The following SLC9A6 variants were observed in gnomAD, a reference collection of about 807,000 sequenced individuals.
SLC9A6 encodes sodium/hydrogen exchanger 6.
Under a neutral mutation model 45.3 loss-of-function variants are expected in SLC9A6, and 6 were observed. The ratio of observed to expected loss-of-function variants is 0.13; its 90% CI spans 0.07 to 0.26. SLC9A6 has a LOEUF of 0.26. SLC9A6 is among the 10% of genes least tolerant of loss of function. The pLI is 1.00. For synonymous variants in SLC9A6, 191 were observed against 187.7 expected (o/e 1.02, Z -0.14); for missense variants, 278 against 503.7 (o/e 0.55, Z 4.29).
intron 2 of SLC9A6, among the ~76,000 whole-genome samples, chrX:135,994,118 T>C (rs2148142876): frequency 9.1e-6 from 1 of 109,975 alleles, no homozygotes; most frequent in Non-Finnish European, 1.9e-5. Flanking sequence ...TTTTTTTTTT[T>C]TTTTGAGACA....
intron 15 of SLC9A6, 111 bp downstream of exon 15, chrX:136,030,273 C>T: frequency 2.5e-6 from 2 of 800,446 alleles, no homozygotes; most frequent in Non-Finnish European, 3.8e-6. Flanking sequence ...GTCCTCTTTG[C>T]CTCAGCTTTG....
rs1158919961 is a variant in SLC9A6, at chrX:136,016,718, A to G, written c.1154A>G (p.Gln385Arg). Residue 385 changes from glutamine to arginine, a missense_variant, in exon 11 of 18, where the codon CAG becomes CGG. By Grantham distance (43) the Gln-to-Arg change is conservative. Around this residue, in one of 5 missense-constraint regions of SLC9A6, gnomAD observed 41 missense variants for 51.8 expected, o/e 0.79. Coordinates refer to ENST00000630721, the MANE Select transcript of SLC9A6 (RefSeq NM_001379110.1). Reference sequence around the variant, plus strand: ...ATGGGGCTGACACTGTTCACCTTCCAGAACCATGTCTTTAACCCAACATTT... The same window carrying G: ...ATGGGGCTGACACTGTTCACCTTCCGGAACCATGTCTTTAACCCAACATTT... ...SYMGLTLFTFQNHVFNPTFVV... is the reference protein window; with the variant it reads ...SYMGLTLFTFRNHVFNPTFVV... 1.9e-5 allele frequency: 22 copies of G among 1,185,249 alleles called. No homozygotes were observed. Among genetic ancestry groups the G allele is most frequent in the Non-Finnish European group, 2.5e-5 (22 of 873,441 alleles).
chrX:136,047,035 T>C lies in SLC9A6; in HGVS notation c.*2311T>C, dbSNP rs1233788191. The C allele has an allele frequency of 3.5e-5, 4 of 112,945 alleles. No individual in the cohort carries two copies. Among genetic ancestry groups the C allele is most frequent in the African/African-American group, 1.3e-4 (4 of 31,007 alleles). The allele number at this position is 112,945 out of a possible 1,213,427, so 9.3% of individuals were successfully genotyped here. On this transcript the variant is annotated 3_prime_UTR_variant, in exon 18 of 18. Coordinates refer to ENST00000630721, the MANE Select transcript of SLC9A6 (RefSeq NM_001379110.1). The stretch of plus-strand genomic sequence containing the variant: ...AAGTAATAGACTTTTAATCTTTATG[T>C]ATTTTTTGTTTTCTCTGGAGTACTT...
Position 135,998,905 on chromosome X carries a change from G to T in SLC9A6, c.574G>T (p.Ala192Ser), listed in dbSNP as rs2089542923. The T allele has an allele frequency of 1.7e-6, 2 of 1,209,857 alleles. No homozygotes were observed. Among genetic ancestry groups the T allele is most frequent in the Non-Finnish European group, 1.1e-6 (1 of 893,775 alleles). The change falls in exon 6 of 18, where the codon GCA (alanine) becomes TCA (serine). Residue 192 changes from alanine to serine, a missense_variant. Coordinates refer to ENST00000630721, the MANE Select transcript of SLC9A6 (RefSeq NM_001379110.1). ...VTLMKVTGQL[A>S]GDFYFTDCLL... ...GCTGATGAAGGTAACGGGACAACTT[G>T]CAGGAGATTTTTACTTTACAGATTG...
rs782631299 is a variant in SLC9A6, at chrX:136,002,220, G to A, written c.743+7G>A. ...TTGCCATAGTGCTGTCCTCGTAAGT[G>A]TTTGTTTTCTTATTATATTCTGAAT... On this transcript the variant is annotated splice_region_variant and intron_variant, in intron 7 of 17. Coordinates refer to ENST00000630721, the MANE Select transcript of SLC9A6 (RefSeq NM_001379110.1). 1 of 1,123,584 alleles carries A rather than the reference G, an allele frequency of 8.9e-7. No homozygotes were observed. The allele number at this position is 1,123,584 out of a possible 1,213,427, so 92.6% of individuals were successfully genotyped here.
At chrX:135,977,545 C>T (rs988306843) in intron 1 of SLC9A6, among the ~76,000 whole-genome samples, 2 of 112,021 alleles carry the variant, frequency 1.8e-5, no homozygotes, top group African/African-American at 6.5e-5. Context: ...GGAATATGCT[C>T]CTGACTATTA....
chrX:135,990,708 A>C (rs2089416465), intron 2 of SLC9A6, among the ~76,000 whole-genome samples: 1 of 110,704 alleles, frequency 9.0e-6, no homozygotes, highest in Non-Finnish European at 1.9e-5. Context: ...CGGGAGGCGG[A>C]GGTTGCAGTG....
intron 2 of SLC9A6, among the ~76,000 whole-genome samples, chrX:135,990,301 G>T (rs1213171464): frequency 2.7e-5 from 3 of 111,873 alleles, no homozygotes. Flanking sequence ...TGTGTTCTTT[G>T]TTGCCTGTTA....
intron 17 of SLC9A6, 138 bp from the exon 18 acceptor site, chrX:136,044,314 G>A (rs1195929734): frequency 2.0e-6 from 1 of 510,472 alleles, no homozygotes; most frequent in African/African-American, 2.4e-5. Context: ...TTAAGCCAAG[G>A]TATGGACTTT....
chrX:135,975,211 A>T (rs1308781155), intron 1 of SLC9A6: 1 of 112,871 alleles, frequency 8.9e-6, no homozygotes, highest in African/African-American at 3.2e-5. Flanking sequence ...CTAAAATGGA[A>T]TTCATCCTTT....
At chrX:135,997,398 CTTTTTTTTTT>C (rs1180028983) in intron 3 of SLC9A6, among the ~76,000 whole-genome samples, 2 of 63,304 alleles carry the variant, frequency 3.2e-5, no homozygotes, top group African/African-American at 1.3e-4. Flanking sequence ...CATGCTTTCT[CTTTTTTTTTT>C]TTTTTTTTTT....
At chrX:136,004,440 C>G (rs1250824642) in intron 7 of SLC9A6, among the ~76,000 whole-genome samples, 1 of 111,183 alleles carries the variant, frequency 9.0e-6, no homozygotes, top group Non-Finnish European at 1.9e-5. Flanking sequence ...GGCAGTTGCC[C>G]TTACTTCATA....
At chrX:135,996,098 C>A (rs1402356931) in intron 3 of SLC9A6, among the ~76,000 whole-genome samples, 1 of 92,089 alleles carries the variant, frequency 1.1e-5, no homozygotes, top group Non-Finnish European at 2.1e-5. Flanking sequence ...GTGGCACGAT[C>A]TCAGCTCTCT....
chrX:136,032,252 A>T (rs1017181542), intron 15 of SLC9A6, among the ~76,000 whole-genome samples: 1 of 111,625 alleles, frequency 9.0e-6, no homozygotes, highest in Non-Finnish European at 1.9e-5. Context: ...GTGTGTTTTT[A>T]GTAGAGACGG....
At chrX:135,994,265 C>T (rs886249289) in intron 2 of SLC9A6, among the ~76,000 whole-genome samples, 10 of 109,394 alleles carry the variant, frequency 9.1e-5, no homozygotes, top group African/African-American at 2.0e-4. Flanking sequence ...CCACCACGCC[C>T]GGCTGATTTT....
In SLC9A6 at chrX:135,985,438, C is replaced by T; in HGVS notation, c.-96C>T. On this transcript the variant is annotated 5_prime_UTR_variant, in exon 1 of 18. Transcript: ENST00000630721. The stretch of plus-strand genomic sequence containing the variant: ...CCGGGCCCCGCCCCTTTCCCGTGAG[C>T]CCTCGGGGAGTGGTCCGACCGCGGG... 1.2e-6 allele frequency: 1 copy of T among 826,369 alleles called. No homozygotes were observed. The highest frequency in any genetic ancestry group is 1.6e-6 in the Non-Finnish European group (1 of 636,053). 68.1% of individuals were successfully genotyped at this position (826,369 alleles called of 1,213,427 possible). A position where few individuals can be genotyped will look rare whatever the true frequency, so the allele number is the denominator to read the frequency against.
chrX:136,008,760 A>G (rs985716638), intron 7 of SLC9A6, among the ~76,000 whole-genome samples: 1 of 111,979 alleles, frequency 8.9e-6, no homozygotes, highest in Non-Finnish European at 1.9e-5. Context: ...TTTAAAAAAA[A>G]GTATTCATAA....
rs1556618846 is a variant in SLC9A6 at position 136,012,984 on chromosome X, G to A, written c.921G>A (p.Leu307=). ...TCACCAAATTACGGGAGTTCCAGTTGTTGGAGACAGGCCTGTTCTTCTTGA... is the reference window on the plus strand; with the variant it reads ...TCACCAAATTACGGGAGTTCCAGTTATTGGAGACAGGCCTGTTCTTCTTGA... ...TKFTKLREFQ[L]LETGLFFLMS... Residue 307 remains leucine (L), a synonymous_variant, in exon 9 of 18, where the codon TTG becomes TTA. Transcript: ENST00000630721. 8.3e-7 allele frequency: 1 copy of A among 1,210,642 alleles called. No homozygotes were observed. Among genetic ancestry groups the A allele is most frequent in the Non-Finnish European group, 1.1e-6 (1 of 894,517 alleles).
chrX:135,986,156 T>C, intron 2 of SLC9A6, among the ~76,000 whole-genome samples: 1 of 110,170 alleles, frequency 9.1e-6, no homozygotes, highest in Non-Finnish European at 1.9e-5. Context: ...GCGCGGTGTC[T>C]GGAATTGGGC....
Sources: allele counts gnomAD v4.1 joint callset (sites outside exome capture counted in the v4.1 genomes callset), GRCh38; gene constraint gnomAD v4.1.1; regional missense constraint gnomAD v4.1.1; transcripts MANE v1.5; gene names NCBI Gene and HGNC (gene_info 2026-07-23, HGNC 2026-07-21).